The following SPEG variants were observed in gnomAD, a reference collection of about 807,000 sequenced individuals.
The protein encoded by SPEG is striated muscle preferentially expressed protein kinase.
A neutral mutation model predicts 300.4 loss-of-function variants in SPEG; 114 were observed. The ratio of observed to expected loss-of-function variants is 0.38; its 90% CI spans 0.33 to 0.44. SPEG has a LOEUF of 0.44. SPEG is among the 20% of genes least tolerant of loss of function. The pLI is 1.00. For missense variants in SPEG, 4,201 were observed against 4,586.2 expected, an observed-to-expected ratio of 0.92 and a Z score of 2.43; for synonymous variants, 1,964 against 2,018.9, an observed-to-expected ratio of 0.97 and a Z score of 0.73.
In SPEG at chr2:219,479,180, A is replaced by G. The variant is rs756474962; in HGVS notation, c.5064A>G (p.Lys1688=). 11 of 1,613,498 alleles carry G rather than the reference A, an allele frequency of 6.8e-6. No individual in the cohort carries two copies. Among genetic ancestry groups the G allele is most frequent in the Non-Finnish European group, 9.3e-6 (11 of 1,179,990 alleles). ...TEELLERIAR[K]PTVCESEIRA... ...AGCTGCTGGAGCGAATCGCCAGGAA[A>G]CCCACCGTGTGTGAGTCTGAGGTGA... The change falls in exon 23 of 41, where the codon AAA becomes AAG. Residue 1688 remains lysine (K), a synonymous_variant. Coordinates refer to ENST00000312358, the MANE Select transcript of SPEG (RefSeq NM_005876.5). The surrounding 1 kb of genome is among the most constrained non-coding windows in gnomAD (Gnocchi z 5.5).
rs756568021 is a variant in SPEG, at chr2:219,469,301, G to T, written c.3637G>T (p.Gly1213Cys). 1 of 1,613,788 alleles carries T rather than the reference G, an allele frequency of 6.2e-7. No homozygotes were observed. The highest frequency in any genetic ancestry group is 2.2e-5 in the East Asian group (1 of 44,902). Residue 1213 changes from glycine (G) to cysteine (C), a missense_variant, in exon 13 of 41, where the codon GGC (glycine) becomes TGC (cysteine). Gly to Cys is a radical substitution (Grantham distance 159). This residue lies in a region of SPEG where 1,047 missense variants were observed against 1,356.8 expected (regional missense o/e 0.77). Transcript: ENST00000312358. ...GGCCATGCTAGAGTGCCAGGTGACC[G>T]GCCTGCCCTACCCCACCATCAGCTG... Reference protein sequence around the residue: ...KEAMLECQVTGLPYPTISWFH... With the variant: ...KEAMLECQVTCLPYPTISWFH...
Position 219,469,035 on chromosome 2 carries a change from G to T in SPEG, c.3478G>T (p.Ala1160Ser). 6.2e-7 allele frequency: 1 copy of T among 1,612,068 alleles called. No homozygotes were observed. The highest frequency in any genetic ancestry group is 8.5e-7 in the Non-Finnish European group (1 of 1,179,076). Residue 1160 changes from alanine (A) to serine (S), a missense_variant, in exon 12 of 41, where the codon GCC becomes TCC. By Grantham distance (99) the Ala-to-Ser change is moderately conservative. Around this residue, in one of 4 missense-constraint regions of SPEG, gnomAD observed 1,047 missense variants for 1,356.8 expected, o/e 0.77. Transcript: ENST00000312358. ...QLYVEEPRTAASGPSSKLEKM... is the reference protein window; with the variant it reads ...QLYVEEPRTASSGPSSKLEKM... The stretch of plus-strand genomic sequence containing the variant: ...GTATGTAGAAGAGCCCCGGACAGCC[G>T]CCTCAGGCCCCAGGTACCACCGGGG...
In SPEG at chr2:219,435,382, G is replaced by C. The variant is rs769221308; in HGVS notation, c.388+17G>C. ...AGGTCGGAGGTAAAGGGCAGGTGGG[G>C]GCCGCGCCCGGCAGGGGCGGGGTGC... On this transcript the variant is annotated intron_variant, in intron 1 of 40. Coordinates refer to ENST00000312358, the MANE Select transcript of SPEG (RefSeq NM_005876.5). 5.4e-5 allele frequency: 83 copies of C among 1,524,182 alleles called. No homozygotes were observed. The East Asian group carries it at 2.1e-3, about 38-fold the overall frequency. The allele number at this position is 1,524,182 out of a possible 1,614,324, so 94.4% of individuals were successfully genotyped here. A position where few individuals can be genotyped will look rare whatever the true frequency, so the allele number is the denominator to read the frequency against.
rs779440361 is a variant in SPEG, at chr2:219,485,488, GCCTGCTGGGTGAGGACCCTCCTCC to G, written c.7741+15_7741+38del. The G allele has an allele frequency of 1.5e-5, 23 of 1,549,746 alleles. No homozygotes were observed. In the African/African-American group the frequency reaches 2.9e-4, roughly 20 times the overall value. Reference sequence around the variant, plus strand: ...TGCGCAGTGAGTCAGGTAATAAGAGGCCTGCTGGGTGAGGACCCTCCTCCCCTCCTGCCCTCCCCTACCCCCATC... The same window carrying G: ...TGCGCAGTGAGTCAGGTAATAAGAGGCCTCCTGCCCTCCCCTACCCCCATC... On this transcript the variant is annotated intron_variant, in intron 31 of 40. Coordinates refer to ENST00000312358, the MANE Select transcript of SPEG (RefSeq NM_005876.5).
intron 6 of SPEG, among the ~76,000 whole-genome samples, chr2:219,452,126 C>CA (rs1689808073): frequency 6.6e-6 from 1 of 152,194 alleles, no homozygotes; most frequent in Admixed American, 6.5e-5. Context: ...GTGGGGAAAG[C>CA]AAATTGTCCT....
Position 219,480,154 on chromosome 2 carries a change from G to T in SPEG, c.5342+14G>T. 6.2e-7 allele frequency: 1 copy of T among 1,612,346 alleles called. No homozygotes were observed. Among genetic ancestry groups the T allele is most frequent in the South Asian group, 1.1e-5 (1 of 91,060 alleles). On this transcript the variant is annotated intron_variant, in intron 25 of 40. Transcript: ENST00000312358. The surrounding 1 kb of genome is among the most constrained non-coding windows in gnomAD (Gnocchi z 5.3). ...CACTGACATCTGGTAAGGCTGGCAT[G>T]CTGGGCTGGGCCGACCAGGGCAGCT...
intron 13 of SPEG, 80 bp downstream of exon 13, chr2:219,469,459 C>T (rs889980326): frequency 7.8e-6 from 9 of 1,149,508 alleles, no homozygotes; most frequent in Non-Finnish European, 1.1e-5. Flanking sequence ...CTCCCCAGCT[C>T]TCCCCAGGCC....
Position 219,477,533 on chromosome 2 carries a change from C to G in SPEG, c.4729+88C>G. On this transcript the variant is annotated intron_variant, in intron 20 of 40. Coordinates refer to ENST00000312358, the MANE Select transcript of SPEG (RefSeq NM_005876.5). This position sits in a 1 kb window ranked among gnomAD's most constrained non-coding sequence, Gnocchi z 6.4. Reference sequence around the variant, plus strand: ...TGCTCTGCCCAGGAAGCAGCCAGCCCTGGACTCGAGCCACCACACCCCCAG... The same window carrying G: ...TGCTCTGCCCAGGAAGCAGCCAGCCGTGGACTCGAGCCACCACACCCCCAG... 1 of 1,453,086 alleles carries G rather than the reference C, an allele frequency of 6.9e-7. No individual in the cohort carries two copies. The highest frequency in any genetic ancestry group is 9.2e-7 in the Non-Finnish European group (1 of 1,085,656). The allele number at this position is 1,453,086 out of a possible 1,614,324, so 90.0% of individuals were successfully genotyped here. A position where few individuals can be genotyped will look rare whatever the true frequency, so the allele number is the denominator to read the frequency against.
In SPEG at chr2:219,435,272, G is replaced by A. The variant is rs1460207303; in HGVS notation, c.295G>A (p.Gly99Arg). 4.7e-6 allele frequency: 7 copies of A among 1,495,758 alleles called. No homozygotes were observed. Among genetic ancestry groups the A allele is most frequent in the Admixed American group, 4.4e-5 (2 of 45,018 alleles). The allele number at this position is 1,495,758 out of a possible 1,614,324, so 92.7% of individuals were successfully genotyped here. Residue 99 changes from glycine to arginine, a missense_variant, in exon 1 of 41, where the codon GGG becomes AGG. Coordinates refer to ENST00000312358, the MANE Select transcript of SPEG (RefSeq NM_005876.5). ...CAGCTGCCTGTGGCTGCGGCGCTGC[G>A]GGGCGCAGGACGCCGGCGTGTACAG... ...EPSCLWLRRC[G>R]AQDAGVYSCM...
chr2:219,481,814 C>A lies in SPEG; in HGVS notation c.5565+134C>A. 2.5e-6 allele frequency: 2 copies of A among 800,966 alleles called. No individual in the cohort carries two copies. Among genetic ancestry groups the A allele is most frequent in the East Asian group, 2.6e-5 (1 of 37,916 alleles). 49.6% of individuals were successfully genotyped at this position (800,966 alleles called of 1,614,324 possible). A position where few individuals can be genotyped will look rare whatever the true frequency, so the allele number is the denominator to read the frequency against. ...GTATGTACATATGACGTATTAGCCT[C>A]ACAATAGCTTTGCAAAGGAAGGCAT... On this transcript the variant is annotated intron_variant, in intron 28 of 40. Coordinates refer to ENST00000312358, the MANE Select transcript of SPEG (RefSeq NM_005876.5). The surrounding 1 kb of genome is among the most constrained non-coding windows in gnomAD (Gnocchi z 5.4).
At position 219,473,446 on chromosome 2, in the gene SPEG, T is replaced by C; in HGVS notation, c.4148-58T>C. 6.5e-7 allele frequency: 1 copy of C among 1,535,642 alleles called. No homozygotes were observed. On this transcript the variant is annotated intron_variant, in intron 16 of 40. Transcript: ENST00000312358. The surrounding 1 kb of genome is among the most constrained non-coding windows in gnomAD (Gnocchi z 4.6). ...TTGATGAGGGGTGTTAGAGGAGTGG[T>C]GGGTGCTGAGGACCTGATGTCAAGC...
Position 219,485,469 on chromosome 2 carries a change from G to A in SPEG, c.7733G>A (p.Ser2578Asn). 1 of 1,583,302 alleles carries A rather than the reference G, an allele frequency of 6.3e-7. No homozygotes were observed. The highest frequency in any genetic ancestry group is 1.4e-5 in the African/African-American group (1 of 73,474). Residue 2578 changes from serine to asparagine, a missense_variant, in exon 31 of 41, where the codon AGT (serine) becomes AAT (asparagine). Physicochemically the swap from Ser to Asn is conservative, Grantham distance 46. Transcript: ENST00000312358. ...GAGTTGGGTCACCAGTACGTGCGCA[G>A]TGAGTCAGGTAATAAGAGGCCTGCT... is the stretch of plus-strand genomic sequence containing the variant. ...QEELGHQYVR[S>N]ESDFPPVFHI...
intron 6 of SPEG, among the ~76,000 whole-genome samples, chr2:219,455,731 G>A (rs1265239605): frequency 3.3e-5 from 5 of 152,174 alleles, no homozygotes; most frequent in Non-Finnish European, 5.9e-5. Context: ...GGGTGGGTCC[G>A]ACTGGGGGCT....
In SPEG at chr2:219,479,073, G is replaced by A. The variant is rs1429923867; in HGVS notation, c.5028-71G>A. 2.1e-6 allele frequency: 3 copies of A among 1,398,680 alleles called. No individual in the cohort carries two copies. The African/African-American group carries it at 4.2e-5, about 20-fold the overall frequency. The allele number at this position is 1,398,680 out of a possible 1,614,324, so 86.6% of individuals were successfully genotyped here. A position where few individuals can be genotyped will look rare whatever the true frequency, so the allele number is the denominator to read the frequency against. On this transcript the variant is annotated intron_variant, in intron 22 of 40. Coordinates refer to ENST00000312358, the MANE Select transcript of SPEG (RefSeq NM_005876.5). This position sits in a 1 kb window ranked among gnomAD's most constrained non-coding sequence, Gnocchi z 5.5. ...GAAGGAGAACCCCGTGCTGAGCTGG[G>A]ACCTGCCCTGAGCGCTGGGCTGGGC...
In SPEG at chr2:219,484,554, G is replaced by T. The variant is rs1425233488; in HGVS notation, c.7091G>T (p.Arg2364Leu). 1.9e-6 allele frequency: 3 copies of T among 1,589,512 alleles called. No homozygotes were observed. Among genetic ancestry groups the T allele is most frequent in the Non-Finnish European group, 2.6e-6 (3 of 1,172,112 alleles). The change falls in exon 30 of 41, where the codon CGT becomes CTT. Residue 2364 changes from arginine to leucine, a missense_variant. Around this residue, in one of 4 missense-constraint regions of SPEG, gnomAD observed 1,578 missense variants for 1,506.0 expected, o/e 1.05. Coordinates refer to ENST00000312358, the MANE Select transcript of SPEG (RefSeq NM_005876.5). ...CGCTCGGAGGAGCGCGGCCCCTTCC[G>T]TGGGGCCGAGGAGGAGGATGGCATA... ...RSRSEERGPF[R>L]GAEEEDGIYR...
intron 6 of SPEG, among the ~76,000 whole-genome samples, chr2:219,454,223 AGAGAATGCGGCCCCATGGACCAT>A (rs1689997903): frequency 1.3e-5 from 2 of 152,206 alleles, no homozygotes; most frequent in African/African-American, 4.8e-5. Flanking sequence ...ATGGATAACT[AGAGAATGCGGCCCCATGGACCAT>A]GGTTTAGGGG....
intron 40 of SPEG, among the ~76,000 whole-genome samples, 163 bp downstream of exon 40, chr2:219,492,423 G>A (rs936164966): frequency 1.3e-5 from 2 of 152,168 alleles, no homozygotes; most frequent in Admixed American, 6.5e-5. Flanking sequence ...CCCGTGCAAG[G>A]CAGACTCACT....
In SPEG at chr2:219,483,561, A is replaced by C; in HGVS notation, c.6098A>C (p.His2033Pro). The C allele has an allele frequency of 2.1e-6, 3 of 1,447,486 alleles. No homozygotes were observed. Among genetic ancestry groups the C allele is most frequent in the South Asian group, 2.9e-5 (2 of 70,046 alleles). 89.7% of individuals were successfully genotyped at this position (1,447,486 alleles called of 1,614,324 possible). A position where few individuals can be genotyped will look rare whatever the true frequency, so the allele number is the denominator to read the frequency against. ...CCGCGGGAGCTGGGCCGGGGCCTGC[A>C]CAAGGCGGCGTCTGTGGAGCTGCCG... is the stretch of plus-strand genomic sequence containing the variant. ...AGPRELGRGL[H>P]KAASVELPQR... The change falls in exon 30 of 41, where the codon CAC becomes CCC. Residue 2033 changes from histidine to proline, a missense_variant. This residue lies in a region of SPEG where 1,578 missense variants were observed against 1,506.0 expected (regional missense o/e 1.05). Coordinates refer to ENST00000312358, the MANE Select transcript of SPEG (RefSeq NM_005876.5).
In SPEG at chr2:219,459,188, G is replaced by A. The variant is rs1690437399; in HGVS notation, c.2441-2694G>A. ...GCCAGTGTGAAGGGGCGGTACTTCCGTGGTGGGTTGTTCGGGGCCATTGAG... is the reference window on the plus strand; with the variant it reads ...GCCAGTGTGAAGGGGCGGTACTTCCATGGTGGGTTGTTCGGGGCCATTGAG... On this transcript the variant is annotated intron_variant, in intron 6 of 40. Coordinates refer to ENST00000312358, the MANE Select transcript of SPEG (RefSeq NM_005876.5). The surrounding 1 kb of genome is among the most constrained non-coding windows in gnomAD (Gnocchi z 4.9). Among the ~76,000 whole-genome samples the A allele has an allele frequency of 6.6e-6, 1 of 152,236 alleles. No individual in the cohort carries two copies. Among genetic ancestry groups the A allele is most frequent in the Admixed American group, 6.5e-5 (1 of 15,292 alleles).
Sources: gnomAD v4.1 joint callset for allele counts (sites outside exome capture counted in the v4.1 genomes callset) on GRCh38, gnomAD v4.1.1 for gene constraint, gnomAD v4.1.1 regional missense constraint, Gnocchi (gnomAD v3.1) non-coding constraint, MANE v1.5 for transcripts, NCBI Gene and HGNC (gene_info 2026-07-23, HGNC 2026-07-21) for gene names.